The following SUPT3H variants were observed in gnomAD, a reference collection of about 807,000 sequenced individuals.
SUPT3H encodes the protein transcription initiation protein SPT3 homolog.
A neutral mutation model predicts 44.3 loss-of-function variants in SUPT3H; 44 were observed. The ratio of observed to expected loss-of-function variants is 0.99; its 90% CI spans 0.78 to 1.28. SUPT3H has a LOEUF of 1.28. Ranked by LOEUF, SUPT3H falls within the 50% of genes most tolerant of loss-of-function variation. The pLI, the probability that SUPT3H is intolerant of heterozygous loss-of-function variation, is 0.00. For synonymous variants in SUPT3H, 124 were observed against 125.6 expected, an observed-to-expected ratio of 0.99 and a Z score of 0.09; for missense variants, 380 against 387.1, an observed-to-expected ratio of 0.98 and a Z score of 0.15.
chr6:45,322,934 C>T, intron 2 of SUPT3H: 1 of 1,612,142 alleles, frequency 6.2e-7, no homozygotes, highest in Non-Finnish European at 8.5e-7. Flanking sequence ...TGGAGAAAAG[C>T]CACAGTGCTA....
At chr6:45,025,495 T>G (rs555070556) in intron 3 of SUPT3H, among the ~76,000 whole-genome samples, 109 of 152,312 alleles carry the variant, frequency 7.2e-4, no homozygotes, top group South Asian at 1.5e-3. Flanking sequence ...CAGAAATGAG[T>G]TAAGCTATGT....
At chr6:45,312,230 C>T (rs1160575406) in intron 2 of SUPT3H, among the ~76,000 whole-genome samples, 3 of 152,030 alleles carry the variant, frequency 2.0e-5, no homozygotes, top group Admixed American at 6.6e-5. Context: ...GACAAAAGGC[C>T]GGGCACAGTG....
At chr6:45,182,338 G>T (rs897482164) in intron 2 of SUPT3H, among the ~76,000 whole-genome samples, 1 of 152,146 alleles carries the variant, frequency 6.6e-6, no homozygotes, top group Non-Finnish European at 1.5e-5. Context: ...TCGACTCACT[G>T]CAACCTCCGC....
At chr6:45,053,074 G>A (rs1230571859) in intron 3 of SUPT3H, among the ~76,000 whole-genome samples, 2 of 152,128 alleles carry the variant, frequency 1.3e-5, no homozygotes, top group African/African-American at 2.4e-5. Context: ...TTACTCTGAT[G>A]CCCAGGCTAG....
chr6:45,042,631 C>T (rs138380375), intron 3 of SUPT3H, among the ~76,000 whole-genome samples: 2,952 of 152,160 alleles, frequency 0.019, 56 homozygotes, highest in South Asian at 0.086. Flanking sequence ...GAAATAGGAA[C>T]ACTTTTACAC....
intron 10 of SUPT3H, among the ~76,000 whole-genome samples, chr6:44,915,902 C>A (rs954386576): frequency 6.6e-6 from 1 of 152,162 alleles, no homozygotes; most frequent in South Asian, 2.1e-4. Flanking sequence ...CCACCTTGGA[C>A]ATATGTTCTC....
At chr6:45,070,718 A>T (rs1794232959) in intron 3 of SUPT3H, among the ~76,000 whole-genome samples, 1 of 144,724 alleles carries the variant, frequency 6.9e-6, no homozygotes, top group Admixed American at 7.0e-5. Flanking sequence ...CTGGGTAATA[A>T]GAGCAAAACT....
Position 44,877,683 on chromosome 6 carries a change from C to T in SUPT3H, c.913-47826G>A, listed in dbSNP as rs371205923. On this transcript the variant is annotated intron_variant, in intron 10 of 10. Transcript: ENST00000371459. ...ATCTATATATCTATACATTTTTAAA[C>T]AGACCTAAGATTGCATTTCTCATGC... Among the ~76,000 whole-genome samples, 118 of 152,260 alleles carry T rather than the reference C, an allele frequency of 7.7e-4. 1 individual carries two copies. In the East Asian group the frequency reaches 0.017, roughly 22 times the overall value.
At chr6:45,272,048 C>T (rs1776277410) in intron 2 of SUPT3H, among the ~76,000 whole-genome samples, 2 of 152,178 alleles carry the variant, frequency 1.3e-5, no homozygotes, top group East Asian at 1.9e-4. Flanking sequence ...TGATGTACTC[C>T]CATTGTATCT....
chr6:44,908,817 G>T (rs1363808075), intron 10 of SUPT3H, among the ~76,000 whole-genome samples: 1 of 152,022 alleles, frequency 6.6e-6, no homozygotes, highest in Non-Finnish European at 1.5e-5. Flanking sequence ...GAAATATTTG[G>T]TTTATAGAAG....
intron 10 of SUPT3H, among the ~76,000 whole-genome samples, chr6:44,906,960 G>C (rs190102265): frequency 6.6e-6 from 1 of 152,324 alleles, no homozygotes; most frequent in Admixed American, 6.5e-5. Context: ...TGTCTGATTA[G>C]ATGTGGAATG....
chr6:45,200,035 T>A lies in SUPT3H; in HGVS notation c.102-94029A>T, dbSNP rs1347946840. On this transcript the variant is annotated intron_variant, in intron 2 of 10. Transcript: ENST00000371459. ...ACTCAGTCAAATGTTATACACCCCA[T>A]CAACCAAATCAGAGACTGTAAGAAT... 5.9e-5 allele frequency among the ~76,000 whole-genome samples: 9 copies of A among 151,374 alleles called. No homozygotes were observed. The South Asian group carries it at 1.2e-3, about 21-fold the overall frequency.
intron 3 of SUPT3H, among the ~76,000 whole-genome samples, chr6:45,081,613 C>G (rs1795824762): frequency 6.6e-6 from 1 of 152,108 alleles, no homozygotes; most frequent in African/African-American, 2.4e-5. Context: ...AATGATAGAG[C>G]TCCTCTGTGG....
intron 3 of SUPT3H, among the ~76,000 whole-genome samples, chr6:45,055,678 G>C (rs1007312279): frequency 6.6e-6 from 1 of 152,072 alleles, no homozygotes; most frequent in Non-Finnish European, 1.5e-5. Flanking sequence ...AACTCAAGAT[G>C]GATCAAAGAC....
At chr6:45,124,896 C>G (rs1163723230) in intron 2 of SUPT3H, among the ~76,000 whole-genome samples, 1 of 151,906 alleles carries the variant, frequency 6.6e-6, no homozygotes, top group East Asian at 1.9e-4. Context: ...GACTGGTATC[C>G]TTACAAAAAG....
intron 10 of SUPT3H, among the ~76,000 whole-genome samples, chr6:44,881,057 A>AAG (rs1264364671): frequency 6.6e-6 from 1 of 152,140 alleles, no homozygotes; most frequent in Non-Finnish European, 1.5e-5. Context: ...ACATAATAAT[A>AAG]TTAATGTAAA....
rs574483934 is a variant in SUPT3H at position 45,213,214 on chromosome 6, T to C, written c.102-107208A>G. Among the ~76,000 whole-genome samples the C allele has an allele frequency of 3.3e-5, 5 of 152,268 alleles. No individual in the cohort carries two copies. In the East Asian group the frequency reaches 9.7e-4, roughly 29 times the overall value. ...GGAAGTGCGCCTGGAAGAGTTTGAG[T>C]ATGCATTGTTCAAGCAACAGGACCC... On this transcript the variant is annotated intron_variant, in intron 2 of 10. Coordinates refer to ENST00000371459, the MANE Select transcript of SUPT3H (RefSeq NM_003599.4).
intron 2 of SUPT3H, among the ~76,000 whole-genome samples, chr6:45,259,309 G>A (rs1386143723): frequency 6.6e-6 from 1 of 152,060 alleles, no homozygotes; most frequent in Non-Finnish European, 1.5e-5. Flanking sequence ...CCTTTAGATA[G>A]AGGTTTATCA....
At chr6:44,938,290 T>C (rs1771825639) in intron 9 of SUPT3H, among the ~76,000 whole-genome samples, 1 of 152,164 alleles carries the variant, frequency 6.6e-6, no homozygotes, top group East Asian at 1.9e-4. Context: ...TTCTTCTGCA[T>C]ATGCTGATCC....
Sources: allele counts gnomAD v4.1 joint callset (sites outside exome capture counted in the v4.1 genomes callset), GRCh38; gene constraint gnomAD v4.1.1; transcripts MANE v1.5; gene names NCBI Gene and HGNC (gene_info 2026-07-23, HGNC 2026-07-21).